Variants in ROBO1 observed in about 807,000 individuals in gnomAD.
The protein encoded by ROBO1 is roundabout guidance receptor 1.
Under a neutral mutation model 195.9 loss-of-function variants are expected in ROBO1, and 149 were observed. The ratio of observed to expected loss-of-function variants is 0.76; its 90% confidence interval spans 0.67 to 0.87. The LOEUF (loss-of-function observed/expected upper bound fraction) is 0.87. Ranked by LOEUF, ROBO1 falls within the 40% of genes least tolerant of loss-of-function variation. The pLI, the probability that ROBO1 is intolerant of heterozygous loss-of-function variation, is 0.00. For missense variants in ROBO1, 1,933 were observed against 2,068.3 expected, an observed-to-expected ratio of 0.93 and a Z score of 1.27; for synonymous variants, 816 against 733.2, an observed-to-expected ratio of 1.11 and a Z score of -1.82.
intron 2 of ROBO1, among the ~76,000 whole-genome samples, chr3:79,487,448 C>T (rs1231715489): frequency 2.0e-5 from 3 of 152,118 alleles, no homozygotes; most frequent in Non-Finnish European, 4.4e-5. Flanking sequence ...AACTCCTGAC[C>T]TCATGATTCA....
At chr3:79,314,124 T>C (rs1244991387) in intron 2 of ROBO1, among the ~76,000 whole-genome samples, 2 of 152,236 alleles carry the variant, frequency 1.3e-5, no homozygotes, top group African/African-American at 4.8e-5. Flanking sequence ...GCTCCTCCTT[T>C]AAAGGTTGAA....
chr3:79,450,403 T>A (rs1297314106), intron 2 of ROBO1, among the ~76,000 whole-genome samples: 1 of 151,392 alleles, frequency 6.6e-6, no homozygotes, highest in Admixed American at 6.6e-5. Flanking sequence ...GTAAGAAAAA[T>A]AATAATAATA....
chr3:78,989,672 T>C (rs1178856559), intron 3 of ROBO1, among the ~76,000 whole-genome samples: 1 of 152,092 alleles, frequency 6.6e-6, no homozygotes, highest in Non-Finnish European at 1.5e-5. Flanking sequence ...GGAATACAGC[T>C]TTCTTTGTCT....
rs1160787102 is a variant in ROBO1, at chr3:79,018,296, C to T, written c.173-79369G>A. On this transcript the variant is annotated intron_variant, in intron 3 of 30. Transcript: ENST00000464233. ...AAAGTCTAGCAGGAATCGAGCCCCT[C>T]CGGCCTTAGGAGGGAGGGGTAACCA... is the stretch of plus-strand genomic sequence containing the variant. 2.4e-6 allele frequency: 3 copies of T among 1,247,216 alleles called. No homozygotes were observed. The Admixed American group carries it at 5.8e-5, about 24-fold the overall frequency. The allele number at this position is 1,247,216 out of a possible 1,614,324, so 77.3% of individuals were successfully genotyped here.
At chr3:79,078,204 C>T (rs1011906341) in intron 3 of ROBO1, among the ~76,000 whole-genome samples, 2 of 151,788 alleles carry the variant, frequency 1.3e-5, no homozygotes, top group African/African-American at 4.8e-5. Flanking sequence ...TTTATCTAAA[C>T]ATATTAACTC....
At chr3:79,652,381 G>T (rs1268641231) in intron 1 of ROBO1, among the ~76,000 whole-genome samples, 1 of 152,052 alleles carries the variant, frequency 6.6e-6, no homozygotes, top group African/African-American at 2.4e-5. Flanking sequence ...AGCTACCAGT[G>T]TAATCTTGGT....
chr3:78,801,584 A>G (rs1292501383), intron 4 of ROBO1, among the ~76,000 whole-genome samples: 2 of 152,150 alleles, frequency 1.3e-5, no homozygotes, highest in Non-Finnish European at 2.9e-5. Flanking sequence ...ATTGCTGTAA[A>G]TGGGTTATAG....
intron 1 of ROBO1, among the ~76,000 whole-genome samples, chr3:79,688,384 C>A (rs1947197463): frequency 6.6e-6 from 1 of 151,972 alleles, no homozygotes; most frequent in African/African-American, 2.4e-5. Context: ...AAAAATCACA[C>A]AGCTTTTTCT....
At chr3:78,958,819 CTTT>C (rs753439088) in intron 3 of ROBO1, among the ~76,000 whole-genome samples, 17 of 130,594 alleles carry the variant, frequency 1.3e-4, no homozygotes, top group Non-Finnish European at 2.1e-4. Context: ...CTTTCTTCTT[CTTT>C]TTTTTTTTTT....
intron 2 of ROBO1, among the ~76,000 whole-genome samples, chr3:79,162,914 A>C (rs546685056): frequency 6.6e-6 from 1 of 152,230 alleles, no homozygotes; most frequent in South Asian, 2.1e-4. Flanking sequence ...GAACTAAAAA[A>C]TCATATGTTT....
chr3:79,758,255 A>T (rs1335432324), intron 1 of ROBO1, among the ~76,000 whole-genome samples: 1 of 152,248 alleles, frequency 6.6e-6, no homozygotes, highest in Admixed American at 6.5e-5. Flanking sequence ...GACAGTAGCC[A>T]CCAGCCACAT....
chr3:78,684,477 T>C (rs2081005798), intron 10 of ROBO1, among the ~76,000 whole-genome samples: 1 of 152,154 alleles, frequency 6.6e-6, no homozygotes, highest in South Asian at 2.1e-4. Flanking sequence ...AATAAATTCA[T>C]CAAGCTGCAT....
intron 13 of ROBO1, 30 bp from the exon 14 acceptor site, chr3:78,668,079 C>A (rs757726437): frequency 3.1e-6 from 5 of 1,611,334 alleles, no homozygotes; most frequent in Non-Finnish European, 4.2e-6. Flanking sequence ...TTAGAACATG[C>A]GTATTTAATG....
chr3:78,773,749 C>G (rs995640923), intron 4 of ROBO1, among the ~76,000 whole-genome samples: 2 of 152,196 alleles, frequency 1.3e-5, no homozygotes, highest in Non-Finnish European at 2.9e-5. Flanking sequence ...ACCTTCCTCC[C>G]TCTAGTCTCA....
At chr3:79,540,741 C>A (rs143362829) in intron 2 of ROBO1, among the ~76,000 whole-genome samples, 1 of 152,216 alleles carries the variant, frequency 6.6e-6, no homozygotes, top group East Asian at 1.9e-4. Flanking sequence ...GTTCCCACAA[C>A]ATTTTGAAGT....
chr3:78,830,962 G>A (rs2032136816), intron 4 of ROBO1, among the ~76,000 whole-genome samples: 3 of 152,010 alleles, frequency 2.0e-5, no homozygotes, highest in South Asian at 4.2e-4. Flanking sequence ...ACCCAGGCTG[G>A]AGTGCAATGG....
intron 1 of ROBO1, among the ~76,000 whole-genome samples, chr3:79,718,255 T>C (rs930317320): frequency 2.0e-5 from 3 of 152,030 alleles, no homozygotes; most frequent in African/African-American, 4.8e-5. Flanking sequence ...CCAGAACAAA[T>C]TTCAAGGCAA....
intron 16 of ROBO1, 111 bp downstream of exon 16, chr3:78,660,919 G>A: frequency 1.3e-6 from 1 of 775,240 alleles, no homozygotes; most frequent in Non-Finnish European, 2.0e-6. Flanking sequence ...TCAATATCAA[G>A]AAAGTTAGTA....
Position 78,652,041 on chromosome 3 carries a change from C to T in ROBO1, c.2615-112G>A, listed in dbSNP as rs7642059. 8.0e-3 allele frequency: 6,516 copies of T among 817,082 alleles called. 339 individuals are homozygous for T. The African/African-American group carries it at 0.1, about 13-fold the overall frequency. The allele number at this position is 817,082 out of a possible 1,614,324, so 50.6% of individuals were successfully genotyped here. On this transcript the variant is annotated intron_variant, in intron 18 of 30. Coordinates refer to ENST00000464233, the MANE Select transcript of ROBO1 (RefSeq NM_002941.4). Reference sequence around the variant, plus strand: ...TTTCTGGATAATGATTTCTGTTTTTCCTCTCACACCACTCACCATCATCAA... The same window carrying T: ...TTTCTGGATAATGATTTCTGTTTTTTCTCTCACACCACTCACCATCATCAA...
Sources: allele counts gnomAD v4.1 joint callset (sites outside exome capture counted in the v4.1 genomes callset), GRCh38; gene constraint gnomAD v4.1.1; transcripts MANE v1.5; gene names NCBI Gene and HGNC (gene_info 2026-07-23, HGNC 2026-07-21).